Variants in PTPRO observed in about 807,000 individuals in gnomAD.
The protein encoded by PTPRO is receptor-type tyrosine-protein phosphatase O.
PTPRO carries 62 observed loss-of-function variants against 145.2 expected under a neutral mutation model. The observed-to-expected ratio is 0.43, with a 90% CI of 0.35 to 0.53. PTPRO has a LOEUF of 0.53. PTPRO is among the 20% of genes least tolerant of loss of function. The pLI, the probability that PTPRO is intolerant of heterozygous loss-of-function variation, is 0.01. For synonymous variants in PTPRO, 565 were observed against 514.7 expected, an observed-to-expected ratio of 1.10 and a Z score of -1.32; for missense variants, 1,345 against 1,482.7, an observed-to-expected ratio of 0.91 and a Z score of 1.53.
At chr12:15,373,676 C>G (rs947798160) in intron 1 of PTPRO, among the ~76,000 whole-genome samples, 2 of 152,092 alleles carry the variant, frequency 1.3e-5, no homozygotes, top group African/African-American at 4.8e-5. Context: ...CTACTATGTG[C>G]AAATCATTTT....
At chr12:15,366,366 A>T (rs907309022) in intron 1 of PTPRO, among the ~76,000 whole-genome samples, 1 of 152,046 alleles carries the variant, frequency 6.6e-6, no homozygotes, top group Admixed American at 6.6e-5. Flanking sequence ...GAGGGGGGGA[A>T]AATTGTAATG....
chr12:15,423,862 A>T (rs1320288273), intron 1 of PTPRO, among the ~76,000 whole-genome samples: 1 of 152,210 alleles, frequency 6.6e-6, no homozygotes, highest in Non-Finnish European at 1.5e-5. Flanking sequence ...AATACTGATG[A>T]TGAGAGATGA....
chr12:15,389,643 C>T (rs1039033895), intron 1 of PTPRO, among the ~76,000 whole-genome samples: 1 of 152,200 alleles, frequency 6.6e-6, no homozygotes, highest in Admixed American at 6.5e-5. Flanking sequence ...CTTCATCTAT[C>T]ACCCAATCCC....
chr12:15,584,686 C>G (rs1056788145), intron 23 of PTPRO, among the ~76,000 whole-genome samples: 3 of 152,164 alleles, frequency 2.0e-5, no homozygotes, highest in Admixed American at 6.6e-5. Flanking sequence ...ACAATGAAGG[C>G]TAAGTTGCCC....
intron 1 of PTPRO, among the ~76,000 whole-genome samples, chr12:15,413,581 A>G (rs1248369443): frequency 2.0e-5 from 3 of 152,190 alleles, no homozygotes; most frequent in Non-Finnish European, 2.9e-5. Context: ...TCAGGTGGCC[A>G]AGGTAGGTGG....
intron 26 of PTPRO, chr12:15,595,295 A>C (rs1276751044): frequency 2.0e-6 from 1 of 487,854 alleles, no homozygotes; most frequent in Non-Finnish European, 3.8e-6. Flanking sequence ...TCTGCACATC[A>C]TGATGACTTT....
chr12:15,483,643 A>C (rs772332967), intron 1 of PTPRO, among the ~76,000 whole-genome samples: 11 of 152,156 alleles, frequency 7.2e-5, no homozygotes, highest in Non-Finnish European at 1.6e-4. Context: ...CTTGAGTGTC[A>C]AAATGACTCA....
intron 1 of PTPRO, among the ~76,000 whole-genome samples, chr12:15,382,811 A>G (rs1938904024): frequency 6.6e-6 from 1 of 152,182 alleles, no homozygotes; most frequent in African/African-American, 2.4e-5. Context: ...GGCTTTTATT[A>G]TAAGTCTTTT....
chr12:15,372,742 T>A (rs1170087321), intron 1 of PTPRO, among the ~76,000 whole-genome samples: 13 of 152,166 alleles, frequency 8.5e-5, no homozygotes, highest in South Asian at 2.1e-4. Context: ...TCTATTGGCC[T>A]GTGAATTGAA....
Position 15,424,184 on chromosome 12 carries a change from AT to A in PTPRO, c.76-59787del, listed in dbSNP as rs555827071. ...TTTTCAGTGAAATCTATTCTTATTT[AT>A]TTACATAGAGTGTATTCTATTTTAA... is the stretch of plus-strand genomic sequence containing the variant. On this transcript the variant is annotated intron_variant, in intron 1 of 26. Transcript: ENST00000281171. Among the ~76,000 whole-genome samples, 154 of 152,318 alleles carry A rather than the reference AT, an allele frequency of 1.0e-3. 2 individuals are homozygous for A. The highest frequency in any genetic ancestry group is 5.1e-4 in the Non-Finnish European group (35 of 68,002).
rs972644824 is a variant in PTPRO at position 15,596,859 on chromosome 12, A to T, written c.*786A>T. Reference sequence around the variant, plus strand: ...TCCAAGTTCTTTCTCAAGAAACCACATCTGGTTCAGAAGAGTGTCAAGTTG... The same window carrying T: ...TCCAAGTTCTTTCTCAAGAAACCACTTCTGGTTCAGAAGAGTGTCAAGTTG... On this transcript the variant is annotated 3_prime_UTR_variant, in exon 27 of 27. Transcript: ENST00000281171. 1.2e-4 allele frequency: 19 copies of T among 152,668 alleles called. No homozygotes were observed. Among genetic ancestry groups the T allele is most frequent in the African/African-American group, 3.6e-4 (15 of 41,466 alleles). 9.5% of individuals were successfully genotyped at this position (152,668 alleles called of 1,614,324 possible).
In PTPRO at chr12:15,589,481, TC is replaced by T; in HGVS notation, c.3438del (p.Phe1146LeufsTer20). The T allele has an allele frequency of 1.2e-6, 2 of 1,614,126 alleles. No homozygotes were observed. Among genetic ancestry groups the T allele is most frequent in the Non-Finnish European group, 1.7e-6 (2 of 1,179,998 alleles). On this transcript the variant is annotated frameshift_variant, in exon 25 of 27. Coordinates refer to ENST00000281171, the MANE Select transcript of PTPRO (RefSeq NM_030667.3). LOFTEE classifies it high-confidence loss of function. ...CSAGVGRTGT[F>X]IALDRLLQHI... ...GCTGGCGTGGGACGGACAGGAACATTCATTGCCCTGGACAGGCTCTTGCAGC... is the reference window on the plus strand; with the variant it reads ...GCTGGCGTGGGACGGACAGGAACATTATTGCCCTGGACAGGCTCTTGCAGC...
chr12:15,506,491 G>A (rs991415167), intron 6 of PTPRO, among the ~76,000 whole-genome samples: 5 of 152,118 alleles, frequency 3.3e-5, no homozygotes, highest in Admixed American at 6.5e-5. Flanking sequence ...AGGTTTAATC[G>A]ACTCACAGTT....
At chr12:15,360,368 T>C (rs1276507472) in intron 1 of PTPRO, among the ~76,000 whole-genome samples, 1 of 152,084 alleles carries the variant, frequency 6.6e-6, no homozygotes, top group African/African-American at 2.4e-5. Flanking sequence ...GAAAATACAT[T>C]TTCAAAGCAT....
chr12:15,512,406 C>A (rs890037114), intron 7 of PTPRO, among the ~76,000 whole-genome samples: 1 of 152,052 alleles, frequency 6.6e-6, no homozygotes, highest in Non-Finnish European at 1.5e-5. Context: ...TGAGCCACTG[C>A]GCCCAGCCTG....
At chr12:15,373,073 A>C (rs923776784) in intron 1 of PTPRO, among the ~76,000 whole-genome samples, 2 of 152,238 alleles carry the variant, frequency 1.3e-5, no homozygotes, top group African/African-American at 2.4e-5. Flanking sequence ...ACATGGAATC[A>C]AGTGAAAATA....
At chr12:15,594,781 A>T (rs1370532396) in intron 25 of PTPRO, among the ~76,000 whole-genome samples, 156 bp from the exon 26 acceptor site, 1 of 152,070 alleles carries the variant, frequency 6.6e-6, no homozygotes, top group African/African-American at 2.4e-5. Context: ...TGTACAGTTG[A>T]TTCTCTTGGA....
intron 2 of PTPRO, among the ~76,000 whole-genome samples, chr12:15,487,791 T>C (rs253855): frequency 1 from 152,251 of 152,340 alleles, 76,081 homozygotes; most frequent in East Asian, 1. Flanking sequence ...AACATAGTAG[T>C]CACTAATTTT....
At chr12:15,415,939 A>T (rs964075256) in intron 1 of PTPRO, among the ~76,000 whole-genome samples, 1 of 151,776 alleles carries the variant, frequency 6.6e-6, no homozygotes, top group Non-Finnish European at 1.5e-5. Flanking sequence ...TTGCCTAACA[A>T]GATAAAGGAC....
Sources: allele counts gnomAD v4.1 joint callset (sites outside exome capture counted in the v4.1 genomes callset), GRCh38; gene constraint gnomAD v4.1.1; transcripts MANE v1.5; gene names NCBI Gene and HGNC (gene_info 2026-07-23, HGNC 2026-07-21).